The following TRPM3 variants were observed in gnomAD, a reference collection of about 807,000 sequenced individuals.
The protein encoded by TRPM3 is long transient receptor potential channel 3.
Under a neutral mutation model 181.2 loss-of-function variants are expected in TRPM3, and 77 were observed. The ratio of observed to expected loss-of-function variants is 0.42; its 90% CI spans 0.35 to 0.51. TRPM3 has a LOEUF of 0.51. Ranked by LOEUF, TRPM3 falls within the 20% of genes least tolerant of loss-of-function variation. The pLI, the probability that TRPM3 is intolerant of heterozygous loss-of-function variation, is 0.01. For missense variants in TRPM3, 1,759 were observed against 2,196.7 expected, an observed-to-expected ratio of 0.80 and a Z score of 3.98; for synonymous variants, 745 against 796.4, an observed-to-expected ratio of 0.94 and a Z score of 1.09.
chr9:71,222,685 G>C (rs1734122781), intron 1 of TRPM3, among the ~76,000 whole-genome samples: 1 of 152,184 alleles, frequency 6.6e-6, no homozygotes, highest in Non-Finnish European at 1.5e-5. Flanking sequence ...GTCTTGAATT[G>C]ACAACACCAT....
chr9:71,011,172 G>T (rs933711337), intron 1 of TRPM3, among the ~76,000 whole-genome samples: 2 of 152,084 alleles, frequency 1.3e-5, no homozygotes, highest in African/African-American at 4.8e-5. Context: ...TATAGAAGAT[G>T]GGGAATGGGA....
intron 1 of TRPM3, chr9:70,869,178 C>T (rs1310602685): frequency 2.5e-6 from 1 of 406,050 alleles, no homozygotes; most frequent in African/African-American, 2.2e-5. Flanking sequence ...CAGATTAGCC[C>T]CTTGGAATGT....
chr9:71,260,559 G>C (rs919099332), intron 1 of TRPM3, among the ~76,000 whole-genome samples: 2 of 152,120 alleles, frequency 1.3e-5, no homozygotes, highest in Admixed American at 6.6e-5. Flanking sequence ...ATTTCCTTGA[G>C]CAGTGGTCTG....
intron 1 of TRPM3, among the ~76,000 whole-genome samples, chr9:71,402,215 T>C (rs1385957075): frequency 6.6e-6 from 1 of 152,216 alleles, no homozygotes; most frequent in Non-Finnish European, 1.5e-5. Flanking sequence ...CGAGTTCACT[T>C]GTATGTGTCT....
At chr9:71,272,738 A>T (rs7041834) in intron 1 of TRPM3, among the ~76,000 whole-genome samples, 37,602 of 97,628 alleles carry the variant, frequency 0.39, 5,486 homozygotes, top group African/African-American at 0.51. Context: ...ATGATCATAT[A>T]TTTTTTAGTG....
chr9:70,845,663 C>T (rs2094924152), intron 4 of TRPM3, among the ~76,000 whole-genome samples: 1 of 152,318 alleles, frequency 6.6e-6, no homozygotes. Flanking sequence ...CTTATTGCAA[C>T]ATTACCTCTA....
At position 70,532,995 on chromosome 9, in the gene TRPM3, G is replaced by T. The variant is rs2041102625; in HGVS notation, c.*2958C>A. 1 of 152,186 alleles carries T rather than the reference G, an allele frequency of 6.6e-6. No homozygotes were observed. The highest frequency in any genetic ancestry group is 2.1e-4 in the South Asian group (1 of 4,824). 9.4% of individuals were successfully genotyped at this position (152,186 alleles called of 1,614,324 possible). A position where few individuals can be genotyped will look rare whatever the true frequency, so the allele number is the denominator to read the frequency against. ...CACAGGAAGGAAATGGCTCATGGAA[G>T]TTACACAGTTTGTGTCTACAGTCAT... is the stretch of plus-strand genomic sequence containing the variant. On this transcript the variant is annotated 3_prime_UTR_variant, in exon 26 of 26. Coordinates refer to ENST00000677713, the MANE Select transcript of TRPM3 (RefSeq NM_001366145.2).
intron 1 of TRPM3, among the ~76,000 whole-genome samples, chr9:70,924,081 C>T (rs1320325404): frequency 3.3e-5 from 5 of 151,798 alleles, no homozygotes; most frequent in Admixed American, 1.3e-4. Context: ...CCGTCTAGGA[C>T]ATTTGGCAAT....
At chr9:71,421,620 C>A (rs2093775845) in intron 1 of TRPM3, among the ~76,000 whole-genome samples, 1 of 151,856 alleles carries the variant, frequency 6.6e-6, no homozygotes. Flanking sequence ...ATAAGAAATG[C>A]ATCATTTTGT....
intron 1 of TRPM3, among the ~76,000 whole-genome samples, chr9:71,218,782 T>C (rs71505930): frequency 6.6e-6 from 1 of 152,236 alleles, no homozygotes; most frequent in Non-Finnish European, 1.5e-5. Context: ...GCGATTTTTT[T>C]GGTAGAATGT....
chr9:71,249,014 GA>G (rs1368682121), intron 1 of TRPM3, among the ~76,000 whole-genome samples: 1 of 152,050 alleles, frequency 6.6e-6, no homozygotes, highest in Non-Finnish European at 1.5e-5. Flanking sequence ...AGCAGGCAAT[GA>G]AAAAAGTGTT....
At chr9:70,996,230 G>A (rs1414179473) in intron 1 of TRPM3, among the ~76,000 whole-genome samples, 1 of 152,102 alleles carries the variant, frequency 6.6e-6, no homozygotes, top group Admixed American at 6.6e-5. Context: ...TTATATAAAG[G>A]GGTTAAGAAC....
chr9:70,821,287 A>G (rs547321863), intron 6 of TRPM3, among the ~76,000 whole-genome samples: 3 of 152,318 alleles, frequency 2.0e-5, no homozygotes, highest in Admixed American at 2.0e-4. Flanking sequence ...ATTTCCTTCA[A>G]AATTATTCAG....
chr9:71,234,749 G>A (rs908332023), intron 1 of TRPM3, among the ~76,000 whole-genome samples: 1 of 152,088 alleles, frequency 6.6e-6, no homozygotes, highest in African/African-American at 2.4e-5. Context: ...TGAAGATTAG[G>A]ACTTCAACAT....
At chr9:71,331,371 G>T (rs2090095473) in intron 1 of TRPM3, among the ~76,000 whole-genome samples, 2 of 151,762 alleles carry the variant, frequency 1.3e-5, no homozygotes, top group South Asian at 2.1e-4. Context: ...TATCCTTCAT[G>T]TTTATCTAAG....
At chr9:70,584,960 AGGT>A (rs1416479620) in intron 22 of TRPM3, among the ~76,000 whole-genome samples, 3 of 152,190 alleles carry the variant, frequency 2.0e-5, no homozygotes, top group Non-Finnish European at 2.9e-5. Flanking sequence ...CTATGCAAAT[AGGT>A]GGCCCAGAGC....
At chr9:70,749,303 C>T (rs1462001489) in intron 8 of TRPM3, among the ~76,000 whole-genome samples, 2 of 152,002 alleles carry the variant, frequency 1.3e-5, no homozygotes, top group African/African-American at 4.8e-5. Flanking sequence ...CAAATGAGAA[C>T]CAGCTGTAGG....
intron 1 of TRPM3, among the ~76,000 whole-genome samples, chr9:70,927,358 G>T (rs2096730903): frequency 6.6e-6 from 1 of 152,154 alleles, no homozygotes; most frequent in African/African-American, 2.4e-5. Context: ...TATTTGAATG[G>T]TATTAGTAAA....
intron 1 of TRPM3, among the ~76,000 whole-genome samples, chr9:71,276,997 A>T (rs1410869840): frequency 6.6e-6 from 1 of 152,210 alleles, no homozygotes; most frequent in Non-Finnish European, 1.5e-5. Context: ...TAATCACTGA[A>T]GTAGGTGAAT....
Sources: gnomAD v4.1 joint callset for allele counts (sites outside exome capture counted in the v4.1 genomes callset) on GRCh38, gnomAD v4.1.1 for gene constraint, MANE v1.5 for transcripts, NCBI Gene and HGNC (gene_info 2026-07-23, HGNC 2026-07-21) for gene names.